Variants in LRRC40 observed in about 807,000 individuals in gnomAD.
LRRC40 encodes leucine-rich repeat-containing protein 40.
LRRC40 carries 76 observed loss-of-function variants against 72.8 expected under a neutral mutation model. The observed-to-expected ratio is 1.04, with a 90% CI of 0.87 to 1.26. The LOEUF is 1.26. Ranked by LOEUF, LRRC40 falls within the 50% of genes most tolerant of loss-of-function variation. The pLI is 0.00. For missense variants in LRRC40, 684 were observed against 698.9 expected (o/e 0.98, Z 0.24); for synonymous variants, 243 against 254.2 (o/e 0.96, Z 0.42).
chr1:70,198,130 A>G (rs904449084), intron 1 of LRRC40, among the ~76,000 whole-genome samples: 3 of 152,150 alleles, frequency 2.0e-5, no homozygotes, highest in Non-Finnish European at 4.4e-5. Context: ...TCATTACCCT[A>G]AAATAGTAGG....
At position 70,181,134 on chromosome 1, in the gene LRRC40, A is replaced by G. The variant is rs1213797286; in HGVS notation, c.613T>C (p.Ser205Pro). ...SLSSLVRLNL[S>P]SNELKSLPAE... ...GGCAAACTCTTCAGTTCATTACTAG[A>G]AAGATTGAGTCGCACCAGACTGGAC... is the stretch of plus-strand genomic sequence containing the variant. The change falls in exon 5 of 15, where the codon TCT (serine) becomes CCT (proline). Residue 205 changes from serine (S) to proline (P), a missense_variant. By Grantham distance (74) the Ser-to-Pro change is moderately conservative. Coordinates refer to ENST00000370952, the MANE Select transcript of LRRC40 (RefSeq NM_017768.5). The G allele has an allele frequency of 3.1e-6, 5 of 1,598,464 alleles. No individual in the cohort carries two copies. The East Asian group carries it at 1.1e-4, about 36-fold the overall frequency.
In LRRC40 at chr1:70,175,817, T is replaced by C; in HGVS notation, c.970A>G (p.Ile324Val). The change falls in exon 7 of 15, where the codon ATT becomes GTT. Residue 324 changes from isoleucine to valine, a missense_variant. Coordinates refer to ENST00000370952, the MANE Select transcript of LRRC40 (RefSeq NM_017768.5). The part of the protein sequence containing the change: ...LERLDLSNND[I>V]SSLPYSLGNL... ...TTTGATATTTAAACTTACCTACTAA[T>C]ATCATTGTTGCTTAGGTCAAGCCTT... 1 of 1,551,946 alleles carries C rather than the reference T, an allele frequency of 6.4e-7. No individual in the cohort carries two copies. The highest frequency in any genetic ancestry group is 1.2e-5 in the South Asian group (1 of 80,616).
At chr1:70,154,756 T>C (rs2100237829) in intron 11 of LRRC40, among the ~76,000 whole-genome samples, 1 of 152,096 alleles carries the variant, frequency 6.6e-6, no homozygotes, top group African/African-American at 2.4e-5. Flanking sequence ...GACATCACCT[T>C]TTTTTTTCCT....
chr1:70,180,535 TA>T (rs1279375805), intron 5 of LRRC40: 1 of 152,228 alleles, frequency 6.6e-6, no homozygotes, highest in Non-Finnish European at 1.5e-5. Flanking sequence ...TAAAAGGTAC[TA>T]AAATGTACCT....
chr1:70,163,582 A>G (rs963656118), intron 9 of LRRC40, among the ~76,000 whole-genome samples: 1 of 152,174 alleles, frequency 6.6e-6, no homozygotes, highest in East Asian at 1.9e-4. Context: ...TATTGGGCCA[A>G]CACAATTCAT....
At chr1:70,170,057 C>CTAAGTATATATTATA (rs1667967983) in intron 9 of LRRC40, among the ~76,000 whole-genome samples, 2 of 152,072 alleles carry the variant, frequency 1.3e-5, no homozygotes, top group African/African-American at 4.8e-5. Flanking sequence ...GAATTATACA[C>CTAAGTATATATTATA]CATTACTAAG....
In LRRC40 at chr1:70,155,798, T is replaced by C. The variant is rs748052296; in HGVS notation, c.1221-2A>G. 2.3e-5 allele frequency: 34 copies of C among 1,507,548 alleles called. No homozygotes were observed. Among genetic ancestry groups the C allele is most frequent in the Non-Finnish European group, 1.8e-6 (2 of 1,100,878 alleles). The allele number at this position is 1,507,548 out of a possible 1,614,324, so 93.4% of individuals were successfully genotyped here. A position where few individuals can be genotyped will look rare whatever the true frequency, so the allele number is the denominator to read the frequency against. On this transcript the variant is annotated splice_acceptor_variant, in intron 10 of 14. Transcript: ENST00000370952. LOFTEE classifies it high-confidence loss of function. ...GGAATCAAAGTTGCTTGTTTATCACTAAATGAAAAATGGTTTTAAAAAACG... is the reference window on the plus strand; with the variant it reads ...GGAATCAAAGTTGCTTGTTTATCACCAAATGAAAAATGGTTTTAAAAAACG...
At chr1:70,177,560 A>G (rs538015824) in intron 6 of LRRC40, among the ~76,000 whole-genome samples, 4 of 152,320 alleles carry the variant, frequency 2.6e-5, no homozygotes, top group African/African-American at 7.2e-5. Context: ...TAAATTTCAA[A>G]TAACATCATG....
At chr1:70,202,044 T>C (rs1158464020) in intron 1 of LRRC40, among the ~76,000 whole-genome samples, 1 of 152,138 alleles carries the variant, frequency 6.6e-6, no homozygotes, top group African/African-American at 2.4e-5. Flanking sequence ...TCCAAAAACC[T>C]GATCATACCA....
chr1:70,181,320 C>T, intron 4 of LRRC40, 111 bp from the exon 5 acceptor site: 3 of 558,022 alleles, frequency 5.4e-6, no homozygotes, highest in Admixed American at 4.0e-5. Context: ...AAAGAGACTA[C>T]TTAAGATGTG....
At chr1:70,181,699 A>G (rs1267911023) in intron 4 of LRRC40, among the ~76,000 whole-genome samples, 4 of 152,050 alleles carry the variant, frequency 2.6e-5, no homozygotes, top group Non-Finnish European at 4.4e-5. Flanking sequence ...TGAGGAAAAA[A>G]AAATATTTTC....
At chr1:70,178,130 G>C (rs1160455987) in intron 6 of LRRC40, among the ~76,000 whole-genome samples, 1 of 152,116 alleles carries the variant, frequency 6.6e-6, no homozygotes, top group Non-Finnish European at 1.5e-5. Context: ...TTAAGTTTTT[G>C]GGGAGTCAAA....
In LRRC40 at chr1:70,172,035, G is replaced by C. The variant is rs190020453; in HGVS notation, c.1111+1430C>G. Among the ~76,000 whole-genome samples, 199 of 152,140 alleles carry C rather than the reference G, an allele frequency of 1.3e-3. 3 individuals carry two copies. In the South Asian group the frequency reaches 0.015, roughly 11 times the overall value. On this transcript the variant is annotated intron_variant, in intron 9 of 14. Transcript: ENST00000370952. ...TCCTATGTTGAAATCTAACCACCAA[G>C]GTAACAGTATTAAGAGGTAGGGCCT... is the stretch of plus-strand genomic sequence containing the variant.
intron 4 of LRRC40, among the ~76,000 whole-genome samples, chr1:70,182,359 T>C (rs1236587655): frequency 6.6e-6 from 1 of 152,054 alleles, no homozygotes; most frequent in East Asian, 1.9e-4. Context: ...AAATAACGTC[T>C]GCAGTTTAAT....
intron 5 of LRRC40, 53 bp downstream of exon 5, chr1:70,181,033 G>A (rs890522566): frequency 1.6e-6 from 2 of 1,248,166 alleles, no homozygotes; most frequent in African/African-American, 1.5e-5. Context: ...CTTTCTAAAT[G>A]TAAGTTGCAC....
intron 9 of LRRC40, among the ~76,000 whole-genome samples, chr1:70,167,920 A>T (rs941549661): frequency 6.6e-6 from 1 of 152,144 alleles, no homozygotes; most frequent in African/African-American, 2.4e-5. Flanking sequence ...TGGCCTTGGA[A>T]ATGATTCTAA....
chr1:70,184,671 C>A, intron 4 of LRRC40, 114 bp downstream of exon 4: 1 of 1,002,118 alleles, frequency 1.0e-6, no homozygotes, highest in East Asian at 2.7e-5. Context: ...ATAATCTAAT[C>A]ACAAAATCAG....
chr1:70,151,089 T>G (rs774660152), intron 13 of LRRC40, 39 bp downstream of exon 13: 1 of 1,185,444 alleles, frequency 8.4e-7, no homozygotes. Context: ...GATCTACATA[T>G]TTCCACAGAA....
In LRRC40 at chr1:70,178,952, T is replaced by C. The variant is rs1558121724; in HGVS notation, c.703A>G (p.Ile235Val). 6.2e-7 allele frequency: 1 copy of C among 1,602,352 alleles called. No homozygotes were observed. The highest frequency in any genetic ancestry group is 8.5e-7 in the Non-Finnish European group (1 of 1,172,272). Residue 235 changes from isoleucine to valine, a missense_variant, in exon 6 of 15, where the codon ATA becomes GTA. Ile to Val is a conservative substitution (Grantham distance 29). Coordinates refer to ENST00000370952, the MANE Select transcript of LRRC40 (RefSeq NM_017768.5). ...LDCNSNLLET[I>V]PPELAGMESL... ...TCCATGCCAGCCAATTCAGGAGGTA[T>C]AGTTTCCAAGAGATTTGAATTACAA...
Sources: allele counts gnomAD v4.1 joint callset (sites outside exome capture counted in the v4.1 genomes callset), GRCh38; gene constraint gnomAD v4.1.1; transcripts MANE v1.5; gene names NCBI Gene and HGNC (gene_info 2026-07-23, HGNC 2026-07-21).